GOLGA1: variants seen among roughly 807,000 people sequenced by gnomAD.
The protein encoded by GOLGA1 is golgin A1.
A neutral mutation model predicts 119.7 loss-of-function variants in GOLGA1; 63 were observed. The observed-to-expected ratio is 0.53, with a 90% CI of 0.43 to 0.65. The LOEUF is 0.65. Among genes scored for constraint, GOLGA1 ranks in the 30% least tolerant of loss-of-function variants. The probability of loss-of-function intolerance (pLI) is 0.00; values close to 1 mark genes in which losing one functional copy is unlikely to be tolerated. For synonymous variants in GOLGA1, 318 were observed against 333.4 expected (o/e 0.95, Z 0.50); for missense variants, 798 against 912.8 (o/e 0.87, Z 1.62).
At chr9:124,928,575 C>G (rs1830715460) in intron 5 of GOLGA1, among the ~76,000 whole-genome samples, 1 of 152,136 alleles carries the variant, frequency 6.6e-6, no homozygotes, top group African/African-American at 2.4e-5. Context: ...AATGATAGAA[C>G]ACTGAGTTAG....
At chr9:124,882,484 G>A (rs1172915594) in intron 20 of GOLGA1, 26 bp downstream of exon 20, 4 of 1,584,068 alleles carry the variant, frequency 2.5e-6, no homozygotes, top group Non-Finnish European at 8.7e-7. Flanking sequence ...CTGGGAAGTG[G>A]GGCCAGCTCC....
chr9:124,884,307 C>T (rs1030596214), intron 19 of GOLGA1, among the ~76,000 whole-genome samples: 7 of 152,282 alleles, frequency 4.6e-5, no homozygotes, highest in East Asian at 1.9e-4. Context: ...CCACCACGCC[C>T]GGTTTTAAAT....
Position 124,889,266 on chromosome 9 carries a change from C to T in GOLGA1, c.1638G>A (p.Gln546=). The change falls in exon 18 of 23, where the codon CAG becomes CAA. Residue 546 remains glutamine (Q), a synonymous_variant. Coordinates refer to ENST00000373555, the MANE Select transcript of GOLGA1 (RefSeq NM_002077.4). The part of the protein sequence containing the change: ...NSALLQIHQL[Q]AELEALRTLK... ...GGGTCCTCAGGGCCTCCAGCTCGGC[C>T]TGCAGCTGGTGTATCTGCAGCAGGG... is the stretch of plus-strand genomic sequence containing the variant. 6.2e-7 allele frequency: 1 copy of T among 1,613,942 alleles called. No homozygotes were observed. The highest frequency in any genetic ancestry group is 8.5e-7 in the Non-Finnish European group (1 of 1,179,926).
Position 124,931,340 on chromosome 9 carries a change from G to C in GOLGA1, c.202C>G (p.Arg68Gly). 1 of 1,578,952 alleles carries C rather than the reference G, an allele frequency of 6.3e-7. No individual in the cohort carries two copies. The highest frequency in any genetic ancestry group is 2.2e-5 in the East Asian group (1 of 44,690). The part of the protein sequence containing the change: ...SQLLRRNEQI[R>G]KLEARLSDYA... The stretch of plus-strand genomic sequence containing the variant: ...CCAGAAAGTCTGGCCTCTAACTTCC[G>C]TATCTGTTCATTCCTTCTCAGAAGC... The change falls in exon 4 of 23, where the codon CGG becomes GGG. Residue 68 changes from arginine to glycine, a missense_variant. By Grantham distance (125) the Arg-to-Gly change is moderately radical. Coordinates refer to ENST00000373555, the MANE Select transcript of GOLGA1 (RefSeq NM_002077.4).
intron 15 of GOLGA1, among the ~76,000 whole-genome samples, chr9:124,893,307 C>G (rs1256591139): frequency 6.6e-6 from 1 of 152,168 alleles, no homozygotes; most frequent in East Asian, 1.9e-4. Flanking sequence ...TTTAAAACTG[C>G]TGTCTTTTAT....
chr9:124,903,052 A>G (rs955742014), intron 12 of GOLGA1, among the ~76,000 whole-genome samples: 2 of 152,216 alleles, frequency 1.3e-5, no homozygotes, highest in Non-Finnish European at 1.5e-5. Flanking sequence ...AAAAGTTACC[A>G]TATCACCCTG....
chr9:124,911,212 G>A (rs373644835), intron 11 of GOLGA1, among the ~76,000 whole-genome samples: 1 of 152,170 alleles, frequency 6.6e-6, no homozygotes, highest in Non-Finnish European at 1.5e-5. Flanking sequence ...AGGCCAATCT[G>A]GAGACTTCTA....
At chr9:124,931,535 C>T in intron 3 of GOLGA1, 129 bp from the exon 4 acceptor site, 1 of 607,640 alleles carries the variant, frequency 1.6e-6, no homozygotes. Context: ...AAAAGCTGGG[C>T]CTAGTTTCTC....
rs1489190580 is a variant in GOLGA1, at chr9:124,916,850, T to G, written c.843+4279A>C. Among the ~76,000 whole-genome samples, 3 of 116,094 alleles carry G rather than the reference T, an allele frequency of 2.6e-5. No individual in the cohort carries two copies. The East Asian group carries it at 8.6e-4, about 33-fold the overall frequency. The allele number at this position is 116,094 out of a possible 152,430, so 76.2% of individuals were successfully genotyped here. A position where few individuals can be genotyped will look rare whatever the true frequency, so the allele number is the denominator to read the frequency against. ...ATGATTGCACCATTGCACTCCAGCCTGGGTGACAGAGTGAGACCCTGACAC... is the reference window on the plus strand; with the variant it reads ...ATGATTGCACCATTGCACTCCAGCCGGGGTGACAGAGTGAGACCCTGACAC... On this transcript the variant is annotated intron_variant, in intron 10 of 22. Transcript: ENST00000373555.
In GOLGA1 at chr9:124,880,547, G is replaced by T; in HGVS notation, c.2287C>A (p.Arg763=). The T allele has an allele frequency of 6.2e-7, 1 of 1,603,198 alleles. No homozygotes were observed. The highest frequency in any genetic ancestry group is 8.5e-7 in the Non-Finnish European group (1 of 1,170,206). The part of the protein sequence containing the change: ...GSIRPSISNP[R]IPWS ...AGTCCCCTCTAGGACCATGGTATCC[G>T]AGGGTTTGAGATAGACGGCCGGATG... is the stretch of plus-strand genomic sequence containing the variant. Residue 763 remains arginine (R), a synonymous_variant, in exon 23 of 23, where the codon CGG becomes AGG. Coordinates refer to ENST00000373555, the MANE Select transcript of GOLGA1 (RefSeq NM_002077.4).
chr9:124,906,737 A>G (rs2131435837), intron 12 of GOLGA1, among the ~76,000 whole-genome samples: 1 of 152,278 alleles, frequency 6.6e-6, no homozygotes, highest in Middle Eastern at 3.4e-3. Flanking sequence ...GGGTGACAAG[A>G]GCAAAACTCT....
At chr9:124,940,575 G>C (rs1253151414) in intron 1 of GOLGA1, among the ~76,000 whole-genome samples, 1 of 151,044 alleles carries the variant, frequency 6.6e-6, no homozygotes, top group Non-Finnish European at 1.5e-5. Context: ...GCAAAATTGG[G>C]TAAAGACAGA....
chr9:124,895,825 C>CCTCCACAACAGAGAG, intron 15 of GOLGA1, among the ~76,000 whole-genome samples: 1 of 149,762 alleles, frequency 6.7e-6, no homozygotes, highest in African/African-American at 2.5e-5. Context: ...CAACAGAGAA[C>CCTCCACAACAGAGAG]CCTCCACAAC....
rs533145161 is a variant in GOLGA1, at chr9:124,902,951, C to T, written c.1066-2404G>A. Among the ~76,000 whole-genome samples the T allele has an allele frequency of 7.5e-4, 114 of 152,262 alleles. 1 individual carries two copies. In the South Asian group the frequency reaches 0.021, roughly 28 times the overall value. ...ATTGGTGGTAGCGCCAAAACTAAGA[C>T]GTTGTTTTACACTCCTGAGATCAGA... is the stretch of plus-strand genomic sequence containing the variant. On this transcript the variant is annotated intron_variant, in intron 12 of 22. Transcript: ENST00000373555.
intron 15 of GOLGA1, among the ~76,000 whole-genome samples, chr9:124,893,806 G>A (rs543866097): frequency 2.7e-4 from 41 of 152,332 alleles, no homozygotes; most frequent in Non-Finnish European, 1.3e-4. Flanking sequence ...CACGGCAAAA[G>A]CTGCTTTGCA....
rs575878924 is a variant in GOLGA1 at position 124,937,078 on chromosome 9, T to C, written c.135+1499A>G. On this transcript the variant is annotated intron_variant, in intron 3 of 22. Transcript: ENST00000373555. The stretch of plus-strand genomic sequence containing the variant: ...GTGTTCTATCTCTTCAGATGAGTGA[T>C]AGATTTACTTTATGCTTTATACTTT... 1.0e-3 allele frequency among the ~76,000 whole-genome samples: 156 copies of C among 152,330 alleles called. 1 individual carries two copies. Among genetic ancestry groups the C allele is most frequent in the African/African-American group, 3.6e-3 (151 of 41,570 alleles).
At chr9:124,933,289 G>GC (rs1830806323) in intron 3 of GOLGA1, among the ~76,000 whole-genome samples, 1 of 152,152 alleles carries the variant, frequency 6.6e-6, no homozygotes, top group African/African-American at 2.4e-5. Context: ...TCCTTGGCTG[G>GC]CATCTGGGAA....
At chr9:124,902,967 T>C (rs992083401) in intron 12 of GOLGA1, among the ~76,000 whole-genome samples, 24 of 152,214 alleles carry the variant, frequency 1.6e-4, no homozygotes, top group Non-Finnish European at 3.2e-4. Context: ...TTTACACTCC[T>C]GAGATCAGAA....
upstream of GOLGA1, chr9:124,943,686 G>A (rs1831095612): frequency 1.3e-5 from 2 of 152,132 alleles, no homozygotes; most frequent in Admixed American, 1.3e-4. Context: ...CTAATAATCA[G>A]AATGTAGACA....
Sources: gnomAD v4.1 joint callset for allele counts (sites outside exome capture counted in the v4.1 genomes callset) on GRCh38, gnomAD v4.1.1 for gene constraint, MANE v1.5 for transcripts, NCBI Gene and HGNC (gene_info 2026-07-23, HGNC 2026-07-21) for gene names.